PYGB: variants seen among roughly 807,000 people sequenced by gnomAD.
The protein encoded by PYGB is glycogen phosphorylase, brain form.
Under a neutral mutation model 94.3 loss-of-function variants are expected in PYGB, and 82 were observed. The observed-to-expected ratio is 0.87, with a 90% CI of 0.73 to 1.04. PYGB has a LOEUF of 1.04. PYGB is among the 50% of genes least tolerant of loss of function. The pLI is 0.00. For synonymous variants in PYGB, 488 were observed against 479.1 expected (o/e 1.02, Z -0.24); for missense variants, 1,132 against 1,158.2 (o/e 0.98, Z 0.33).
rs548630927 is a variant in PYGB at position 25,276,744 on chromosome 20, C to T, written c.759C>T (p.Phe253=). ...RLWSAKAPND[F]KLQDFNVGDY... is the part of the protein sequence containing the mutation. ...GGTCCGCCAAGGCTCCCAACGACTTCAAGCTGCAGGACTGTACGTTCCGTG... is the reference window on the plus strand; with the variant it reads ...GGTCCGCCAAGGCTCCCAACGACTTTAAGCTGCAGGACTGTACGTTCCGTG... Residue 253 remains phenylalanine, a synonymous_variant, in exon 6 of 20, where the codon TTC becomes TTT. Transcript: ENST00000216962. The T allele has an allele frequency of 1.9e-6, 3 of 1,613,858 alleles. No individual in the cohort carries two copies. The South Asian group carries it at 3.3e-5, about 18-fold the overall frequency.
chr20:25,296,660 G>C lies in PYGB; in HGVS notation c.*138G>C. 8.4e-7 allele frequency: 1 copy of C among 1,191,500 alleles called. No homozygotes were observed. Among genetic ancestry groups the C allele is most frequent in the Non-Finnish European group, 1.1e-6 (1 of 871,288 alleles). 73.8% of individuals were successfully genotyped at this position (1,191,500 alleles called of 1,614,324 possible). On this transcript the variant is annotated 3_prime_UTR_variant, in exon 20 of 20. Transcript: ENST00000216962. Reference sequence around the variant, plus strand: ...CATGTTTCCAGGAGGGGCCATGGGGGTCAGGGTGGTTTTGAGAGAGCAGGG... The same window carrying C: ...CATGTTTCCAGGAGGGGCCATGGGGCTCAGGGTGGTTTTGAGAGAGCAGGG...
chr20:25,251,299 T>G (rs2092887335), intron 1 of PYGB: 2 of 152,246 alleles, frequency 1.3e-5, no homozygotes, highest in Non-Finnish European at 2.9e-5. Context: ...CCACGCTCCT[T>G]TTCATCCTGG....
chr20:25,273,534 G>A (rs2088284731), intron 4 of PYGB, among the ~76,000 whole-genome samples: 1 of 152,204 alleles, frequency 6.6e-6, no homozygotes, highest in Admixed American at 6.5e-5. Context: ...TTTAGTAATT[G>A]AGACTTCAGA....
intron 14 of PYGB, chr20:25,285,452 CCTCCTCCCG>C (rs2088409375): frequency 6.6e-6 from 1 of 151,926 alleles, no homozygotes; most frequent in Non-Finnish European, 1.5e-5. Context: ...TTCAGGCTTT[CCTCCTCCCG>C]CTCCGCCACC....
intron 12 of PYGB, 84 bp downstream of exon 12, chr20:25,282,231 G>C: frequency 8.7e-7 from 1 of 1,151,684 alleles, no homozygotes; most frequent in Non-Finnish European, 1.2e-6. Flanking sequence ...CTGAGCGGTT[G>C]CTGAGTAGGC....
At chr20:25,283,546 C>T (rs959487853) in intron 13 of PYGB, among the ~76,000 whole-genome samples, 3 of 152,210 alleles carry the variant, frequency 2.0e-5, no homozygotes, top group African/African-American at 7.2e-5. Context: ...GCCCGTGCCT[C>T]GACCCTCTGC....
chr20:25,278,104 C>CTCT (rs67586181), intron 7 of PYGB, among the ~76,000 whole-genome samples: 23 of 46,784 alleles, frequency 4.9e-4, no homozygotes, highest in Non-Finnish European at 9.0e-4. Flanking sequence ...CACTGTACTT[C>CTCT]TGACGGATGG....
chr20:25,288,369 C>T, intron 14 of PYGB, 56 bp from the exon 15 acceptor site: 1 of 1,600,564 alleles, frequency 6.2e-7, no homozygotes, highest in Admixed American at 1.7e-5. Context: ...TGGGCCCCAG[C>T]AGGGGCTCGT....
intron 2 of PYGB, among the ~76,000 whole-genome samples, chr20:25,262,318 A>G (rs1403553626): frequency 1.3e-5 from 2 of 152,262 alleles, no homozygotes; most frequent in Non-Finnish European, 1.5e-5. Flanking sequence ...GTGGGGGCCA[A>G]TGTTCAGCAT....
At position 25,277,249 on chromosome 20, in the gene PYGB, G is replaced by A. The variant is rs150817672; in HGVS notation, c.778G>A (p.Val260Met). Residue 260 changes from valine to methionine, a missense_variant, in exon 7 of 20, where the codon GTG becomes ATG. Val to Met is a conservative substitution (Grantham distance 21). Transcript: ENST00000216962. ...PNDFKLQDFN[V>M]GDYIEAVLDR... ...CCCGCTCCATTTCTTCTTAGTCAACGTGGGAGACTACATCGAGGCGGTCCT... is the reference window on the plus strand; with the variant it reads ...CCCGCTCCATTTCTTCTTAGTCAACATGGGAGACTACATCGAGGCGGTCCT... 3.8e-5 allele frequency: 60 copies of A among 1,563,124 alleles called. No homozygotes were observed. The highest frequency in any genetic ancestry group is 2.4e-4 in the African/African-American group (18 of 73,754).
At chr20:25,280,805 G>A (rs2088359267) in intron 10 of PYGB, 144 bp from the exon 11 acceptor site, 1 of 1,080,136 alleles carries the variant, frequency 9.3e-7, no homozygotes, top group African/African-American at 1.6e-5. Context: ...CTTGAGGGAG[G>A]TCTGGCTGTC....
chr20:25,292,554 C>T lies in PYGB; in HGVS notation c.2118C>T (p.Ala706=), dbSNP rs199844284. 76 of 1,613,174 alleles carry T rather than the reference C, an allele frequency of 4.7e-5. No homozygotes were observed. The East Asian group carries it at 1.2e-3, about 26-fold the overall frequency. The change falls in exon 17 of 20, where the codon GCC becomes GCT. Residue 706 remains alanine (A), a synonymous_variant. Transcript: ENST00000216962. ...ANVEMAEEAG[A]ENLFIFGLRV... is the part of the protein sequence containing the mutation. ...TGGAGATGGCCGAGGAGGCCGGGGC[C>T]GAGAACCTCTTCATCTTCGGCCTGC...
At chr20:25,262,239 A>C (rs1321781600) in intron 2 of PYGB, among the ~76,000 whole-genome samples, 1 of 152,266 alleles carries the variant, frequency 6.6e-6, no homozygotes, top group East Asian at 1.9e-4. Flanking sequence ...GAAAGGTTGG[A>C]TTACCCGCAA....
At chr20:25,287,676 A>C (rs1449683436) in intron 14 of PYGB, among the ~76,000 whole-genome samples, 1 of 151,884 alleles carries the variant, frequency 6.6e-6, no homozygotes, top group Non-Finnish European at 1.5e-5. Flanking sequence ...ACAACAACAA[A>C]AAAAACCCAA....
At chr20:25,253,623 T>A (rs73341139) in intron 1 of PYGB, among the ~76,000 whole-genome samples, 9 of 146,318 alleles carry the variant, frequency 6.2e-5, no homozygotes, top group African/African-American at 2.3e-4. Flanking sequence ...CAACTCTGCC[T>A]AAATAAAATA....
chr20:25,295,253 GCGGCGCCATGGGCTCTCCAC>G (rs1206350494), intron 18 of PYGB, among the ~76,000 whole-genome samples: 2 of 152,240 alleles, frequency 1.3e-5, no homozygotes, highest in African/African-American at 4.8e-5. Flanking sequence ...CTGCCCTGAG[GCGGCGCCATGGGCTCTCCAC>G]TGTCTGCCCA....
At chr20:25,265,858 G>A (rs1010173007) in intron 2 of PYGB, among the ~76,000 whole-genome samples, 2 of 152,128 alleles carry the variant, frequency 1.3e-5, no homozygotes, top group Non-Finnish European at 2.9e-5. Context: ...GCCTTCCAAA[G>A]TGCTGGGATT....
chr20:25,292,078 G>T (rs2145900081), intron 16 of PYGB, among the ~76,000 whole-genome samples: 1 of 152,316 alleles, frequency 6.6e-6, no homozygotes, highest in African/African-American at 2.4e-5. Flanking sequence ...GACATTGTCA[G>T]CGAGCCAGGA....
rs780809195 is a variant in PYGB at position 25,248,324 on chromosome 20, C to T, written c.146C>T (p.Pro49Leu). ...TLVKDRNVATPRDYFFALAHT... is the reference protein window; with the variant it reads ...TLVKDRNVATLRDYFFALAHT... ...GTCAAGGACCGCAATGTGGCCACGC[C>T]CCGCGACTACTTCTTCGCGCTGGCG... Residue 49 changes from proline (P) to leucine (L), a missense_variant, in exon 1 of 20, where the codon CCC becomes CTC. Pro to Leu is a moderately conservative substitution (Grantham distance 98, BLOSUM62 -3). Coordinates refer to ENST00000216962, the MANE Select transcript of PYGB (RefSeq NM_002862.4). The T allele has an allele frequency of 1.2e-6, 2 of 1,604,284 alleles. No homozygotes were observed. Among genetic ancestry groups the T allele is most frequent in the South Asian group, 1.1e-5 (1 of 89,536 alleles).
Sources: allele counts gnomAD v4.1 joint callset (sites outside exome capture counted in the v4.1 genomes callset), GRCh38; gene constraint gnomAD v4.1.1; transcripts MANE v1.5; gene names NCBI Gene and HGNC (gene_info 2026-07-23, HGNC 2026-07-21).